Variants in CENPC observed in about 807,000 individuals in gnomAD.
CENPC encodes the protein CENP-C 1.
In CENPC, 63 loss-of-function variants were observed where a neutral mutation model predicts 112.1. The observed-to-expected ratio is 0.56, with a 90% confidence interval of 0.46 to 0.69. The LOEUF (loss-of-function observed/expected upper bound fraction) is 0.69, where lower values mean the gene tolerates loss of function less well. Ranked by LOEUF, CENPC falls within the 30% of genes least tolerant of loss-of-function variation. The pLI, the probability that CENPC is intolerant of heterozygous loss-of-function variation, is 0.00. For missense variants in CENPC, 1,000 were observed against 1,103.8 expected (o/e 0.91, Z 1.33); for synonymous variants, 333 against 367.6 (o/e 0.91, Z 1.08).
intron 17 of CENPC, among the ~76,000 whole-genome samples, chr4:67,484,219 TG>T (rs1396157025): frequency 6.6e-6 from 1 of 152,244 alleles, no homozygotes; most frequent in African/African-American, 2.4e-5. Context: ...AGAAACACGC[TG>T]TACAGGTTTG....
At chr4:67,492,094 G>A (rs939924904) in intron 16 of CENPC, 86 bp downstream of exon 16, 7 of 873,802 alleles carry the variant, frequency 8.0e-6, no homozygotes, top group Non-Finnish European at 1.1e-5. Context: ...GAGAGAAAGG[G>A]AAAGTAGACA....
At chr4:67,497,514 A>T (rs1466867254) in intron 12 of CENPC, among the ~76,000 whole-genome samples, 2 of 152,160 alleles carry the variant, frequency 1.3e-5, no homozygotes, top group African/African-American at 4.8e-5. Context: ...TGGTGAATAT[A>T]AAAGTTATTT....
intron 3 of CENPC, among the ~76,000 whole-genome samples, chr4:67,540,318 A>G (rs1430143743): frequency 6.6e-6 from 1 of 152,206 alleles, no homozygotes; most frequent in African/African-American, 2.4e-5. Flanking sequence ...GTAAATCACC[A>G]AAGATTATCT....
chr4:67,512,370 T>G, intron 9 of CENPC, 32 bp downstream of exon 9: 1 of 1,485,822 alleles, frequency 6.7e-7, no homozygotes, highest in Non-Finnish European at 9.1e-7. Context: ...ATTTTGTCTA[T>G]GAACAAACAC....
chr4:67,523,748 C>T (rs2109816508), intron 5 of CENPC, among the ~76,000 whole-genome samples: 1 of 152,242 alleles, frequency 6.6e-6, no homozygotes, highest in East Asian at 1.9e-4. Context: ...GCACACCTAG[C>T]ACTCAGATCT....
chr4:67,479,984 A>G (rs1023856581), intron 17 of CENPC, among the ~76,000 whole-genome samples: 2 of 152,204 alleles, frequency 1.3e-5, no homozygotes, highest in Non-Finnish European at 2.9e-5. Context: ...GACCAATAAC[A>G]AGCAATGAGA....
intron 18 of CENPC, among the ~76,000 whole-genome samples, chr4:67,473,585 C>T (rs367692127): frequency 1.5e-4 from 23 of 152,018 alleles, no homozygotes; most frequent in East Asian, 1.4e-3. Context: ...CAGAGTCTTG[C>T]TCTGTCACCC....
chr4:67,544,170 C>T lies in CENPC; in HGVS notation c.44G>A (p.Arg15Lys), dbSNP rs1166911838. The change falls in exon 2 of 19, where the codon AGA becomes AAA. Residue 15 changes from arginine to lysine, a missense_variant. Physicochemically the swap from Arg to Lys is conservative, Grantham distance 26. Coordinates refer to ENST00000273853, the MANE Select transcript of CENPC (RefSeq NM_001812.4). ...TCACCTGGAAGGTCGACAAAATCTT[C>T]TTCTGTAGCCATTTTTGAGATGATC... ...GLDHLKNGYRRRFCRPSRARD... is the reference protein window; with the variant it reads ...GLDHLKNGYRKRFCRPSRARD... 1.9e-6 allele frequency: 3 copies of T among 1,566,668 alleles called. No individual in the cohort carries two copies. Among genetic ancestry groups the T allele is most frequent in the Middle Eastern group, 1.7e-4 (1 of 5,962 alleles).
intron 5 of CENPC, among the ~76,000 whole-genome samples, chr4:67,524,927 T>C (rs566678332): frequency 3.9e-5 from 6 of 152,290 alleles, no homozygotes; most frequent in Non-Finnish European, 7.4e-5. Context: ...CTTCAAACTA[T>C]ACTATAAGGC....
intron 5 of CENPC, among the ~76,000 whole-genome samples, chr4:67,521,014 AAAATAAACAAATAAATAAAT>A (rs1468292318): frequency 8.0e-6 from 1 of 125,550 alleles, no homozygotes; most frequent in East Asian, 2.1e-4. Context: ...TCTGTCTCAA[AAAATAAACAAATAAATAAAT>A]AAATAAATAA....
rs535693114 is a variant in CENPC, at chr4:67,511,525, C to T, written c.1612+877G>A. ...TCTGAGTATACTACCCTTAAAAGGG[C>T]CTGCTTTCAAAGTTAGCCCTGTAAA... On this transcript the variant is annotated intron_variant, in intron 9 of 18. Transcript: ENST00000273853. Among the ~76,000 whole-genome samples the T allele has an allele frequency of 5.9e-5, 9 of 152,282 alleles. No individual in the cohort carries two copies. The East Asian group carries it at 1.2e-3, about 20-fold the overall frequency.
In CENPC at chr4:67,514,067, CACTT is replaced by C. The variant is rs750571475; in HGVS notation, c.1444+3_1444+6del. 3 of 1,573,834 alleles carry C rather than the reference CACTT, an allele frequency of 1.9e-6. No homozygotes were observed. Among genetic ancestry groups the C allele is most frequent in the South Asian group, 2.4e-5 (2 of 84,678 alleles). On this transcript the variant is annotated splice_donor_5th_base_variant and intron_variant, in intron 8 of 18. Coordinates refer to ENST00000273853, the MANE Select transcript of CENPC (RefSeq NM_001812.4). Reference sequence around the variant, plus strand: ...TGCTCATGGTTATATTTAATATAAACACTTACCCACAGGTGGCATCTGTTTTTTG... The same window carrying C: ...TGCTCATGGTTATATTTAATATAAACACCCACAGGTGGCATCTGTTTTTTG...
At chr4:67,492,103 C>T in intron 16 of CENPC, 77 bp downstream of exon 16, 2 of 967,252 alleles carry the variant, frequency 2.1e-6, no homozygotes, top group Non-Finnish European at 1.6e-6. Flanking sequence ...GGAAAGTAGA[C>T]AGGCCAATCA....
chr4:67,507,838 C>T (rs764073455), intron 10 of CENPC, among the ~76,000 whole-genome samples: 11 of 151,984 alleles, frequency 7.2e-5, no homozygotes, highest in Non-Finnish European at 1.3e-4. Context: ...TAGCAAATTC[C>T]AGCAACACAA....
At chr4:67,501,875 T>C (rs183126565) in intron 12 of CENPC, among the ~76,000 whole-genome samples, 2 of 152,238 alleles carry the variant, frequency 1.3e-5, no homozygotes, top group East Asian at 1.9e-4. Flanking sequence ...ATGTGGACAA[T>C]TGTGAAATCT....
chr4:67,476,642 G>T (rs1382704444), intron 17 of CENPC, among the ~76,000 whole-genome samples: 1 of 152,182 alleles, frequency 6.6e-6, no homozygotes, highest in African/African-American at 2.4e-5. Context: ...AAATAATTTT[G>T]ATGAAGCGTG....
At chr4:67,534,681 G>C (rs183148610) in intron 4 of CENPC, among the ~76,000 whole-genome samples, 1 of 152,190 alleles carries the variant, frequency 6.6e-6, no homozygotes, top group Admixed American at 6.5e-5. Flanking sequence ...ACTAGGCCAA[G>C]AGAAAAGAAA....
chr4:67,493,215 G>A (rs558578280), intron 14 of CENPC, among the ~76,000 whole-genome samples: 139 of 151,016 alleles, frequency 9.2e-4, no homozygotes, highest in Non-Finnish European at 1.8e-3. Flanking sequence ...AACATGATTA[G>A]ATGGTCCTAT....
intron 17 of CENPC, among the ~76,000 whole-genome samples, chr4:67,483,928 T>G (rs983922519): frequency 2.0e-5 from 3 of 152,176 alleles, no homozygotes; most frequent in African/African-American, 7.2e-5. Context: ...ATGTTACAGT[T>G]AGATGAGGTT....
Sources: gnomAD v4.1 joint callset for allele counts (sites outside exome capture counted in the v4.1 genomes callset) on GRCh38, gnomAD v4.1.1 for gene constraint, MANE v1.5 for transcripts, NCBI Gene and HGNC (gene_info 2026-07-23, HGNC 2026-07-21) for gene names.